The following ESRRG variants were observed in gnomAD, a reference collection of about 807,000 sequenced individuals.
ESRRG encodes the protein estrogen related receptor gamma, also known as estrogen-related receptor gamma.
A neutral mutation model predicts 44.0 loss-of-function variants in ESRRG; 13 were observed. The ratio of observed to expected loss-of-function variants is 0.30; its 90% CI spans 0.19 to 0.47. The LOEUF is 0.47. Among genes scored for constraint, ESRRG ranks in the 20% least tolerant of loss-of-function variants. The pLI is 1.00. For missense variants in ESRRG, 395 were observed against 580.6 expected (o/e 0.68, Z 3.29); for synonymous variants, 215 against 214.6 (o/e 1.00, Z -0.02).
At chr1:216,778,676 T>C (rs557633482) in intron 2 of ESRRG, among the ~76,000 whole-genome samples, 1 of 152,080 alleles carries the variant, frequency 6.6e-6, no homozygotes, top group East Asian at 2.0e-4. Context: ...GCCATACTTT[T>C]GGCTGAAATG....
At chr1:216,775,906 T>C (rs1479164051) in intron 2 of ESRRG, among the ~76,000 whole-genome samples, 1 of 151,908 alleles carries the variant, frequency 6.6e-6, no homozygotes, top group Non-Finnish European at 1.5e-5. Context: ...CACTCTTTTT[T>C]CTTTACCCAT....
chr1:216,753,392 A>T (rs1018949929), intron 2 of ESRRG, among the ~76,000 whole-genome samples: 2 of 152,066 alleles, frequency 1.3e-5, no homozygotes, highest in African/African-American at 4.8e-5. Flanking sequence ...CTTATCAAAG[A>T]AGGTTGGAAT....
rs79694535 is a variant in ESRRG, at chr1:216,579,101, A to G, written c.590-11003T>C. Among the ~76,000 whole-genome samples the G allele has an allele frequency of 4.6e-5, 7 of 152,262 alleles. No homozygotes were observed. In the East Asian group the frequency reaches 1.4e-3, roughly 29 times the overall value. ...TTTCCTGTTCAATTTATTTCCATCT[A>G]GCATCTTTTGATCTCTTGTATGTTT... On this transcript the variant is annotated intron_variant, in intron 3 of 6. Coordinates refer to ENST00000408911, the MANE Select transcript of ESRRG (RefSeq NM_001438.4).
At chr1:216,925,354 C>A (rs1281064490) in intron 2 of ESRRG, among the ~76,000 whole-genome samples, 1 of 152,072 alleles carries the variant, frequency 6.6e-6, no homozygotes, top group Middle Eastern at 3.4e-3. Context: ...GGAAAATTGC[C>A]TGAACCCGGG....
At chr1:216,992,259 A>G (rs1304280177) in intron 1 of ESRRG, among the ~76,000 whole-genome samples, 1 of 152,212 alleles carries the variant, frequency 6.6e-6, no homozygotes, top group African/African-American at 2.4e-5. Context: ...GCTTTTTGAA[A>G]GTCTTATTCA....
intron 1 of ESRRG, among the ~76,000 whole-genome samples, chr1:217,025,505 T>C (rs1309451861): frequency 1.3e-5 from 2 of 152,332 alleles, no homozygotes; most frequent in South Asian, 2.1e-4. Context: ...AATTTAACTC[T>C]TTTTCAAAGA....
chr1:216,602,637 A>G (rs139940927), intron 3 of ESRRG, among the ~76,000 whole-genome samples: 120 of 152,290 alleles, frequency 7.9e-4, no homozygotes, highest in African/African-American at 2.8e-3. Flanking sequence ...CAGCGGAGAG[A>G]AGATCTGCAA....
intron 2 of ESRRG, among the ~76,000 whole-genome samples, chr1:216,665,808 T>C (rs1259363867): frequency 1.3e-5 from 2 of 152,184 alleles, no homozygotes; most frequent in Non-Finnish European, 2.9e-5. Flanking sequence ...TTTGAGCTTA[T>C]GTGAAACTTT....
chr1:216,519,326 A>G lies in ESRRG; in HGVS notation c.958T>C (p.Phe320Leu). The G allele has an allele frequency of 6.2e-7, 1 of 1,613,880 alleles. No homozygotes were observed. Among genetic ancestry groups the G allele is most frequent in the Non-Finnish European group, 8.5e-7 (1 of 1,179,868 alleles). ...ILGVVYRSLS[F>L]EDELVYADDY... ...TCTGCATAGACAAGTTCATCCTCAA[A>G]CGAAAGAGACCGGTATACGACACCA... The change falls in exon 6 of 7, where the codon TTT becomes CTT. Residue 320 changes from phenylalanine (F) to leucine (L), a missense_variant. Physicochemically the swap from Phe to Leu is conservative, Grantham distance 22. Around this residue, in one of 5 missense-constraint regions of ESRRG, gnomAD observed 167 missense variants for 251.8 expected, o/e 0.66. Transcript: ENST00000408911.
rs1049298745 is a variant in ESRRG, at chr1:216,945,656, C to T, written c.-105-5983G>A. Among the ~76,000 whole-genome samples, 5 of 152,262 alleles carry T rather than the reference C, an allele frequency of 3.3e-5. 1 individual carries two copies. Among genetic ancestry groups the T allele is most frequent in the South Asian group, 4.1e-4 (2 of 4,824 alleles). ...ACTGTCTTCATTTAAATTACAAATA[C>T]GCTAATCTGAAACACTGTTTACCAA... On this transcript the variant is annotated intron_variant, in intron 1 of 7. Coordinates refer to the ESRRG transcript ENST00000359162.
At chr1:216,941,263 T>C (rs2065181005) in intron 1 of ESRRG, among the ~76,000 whole-genome samples, 1 of 152,166 alleles carries the variant, frequency 6.6e-6, no homozygotes, top group South Asian at 2.1e-4. Flanking sequence ...AGGTTGTTGC[T>C]TTTTTAAAAA....
chr1:216,815,243 C>T (rs1396347249), intron 2 of ESRRG, among the ~76,000 whole-genome samples: 1 of 152,174 alleles, frequency 6.6e-6, no homozygotes, highest in Non-Finnish European at 1.5e-5. Context: ...GACTATGTGC[C>T]AGGCACCATG....
intron 1 of ESRRG, among the ~76,000 whole-genome samples, chr1:217,118,519 T>C (rs1345827166): frequency 1.3e-5 from 2 of 152,134 alleles, no homozygotes; most frequent in East Asian, 3.9e-4. Flanking sequence ...AAACTGTGGG[T>C]TCATTCAAGT....
rs11387798 is a variant in ESRRG at position 217,036,841 on chromosome 1, GA to G, written c.-106+52665del. Among the ~76,000 whole-genome samples, 9 of 149,040 alleles carry G rather than the reference GA, an allele frequency of 6.0e-5. No individual in the cohort carries two copies. The East Asian group carries it at 1.6e-3, about 26-fold the overall frequency. ...GTAAAAAAAAAGAAAAGAAAGAAAA[GA>G]AAAAAAAAAGAGTATAGGCGATGGA... On this transcript the variant is annotated intron_variant, in intron 1 of 7. Coordinates refer to the ESRRG transcript ENST00000359162.
At chr1:216,770,527 C>T (rs182861459) in intron 2 of ESRRG, among the ~76,000 whole-genome samples, 127 of 151,930 alleles carry the variant, frequency 8.4e-4, no homozygotes, top group Middle Eastern at 6.8e-3. Context: ...AGTAGAAGAT[C>T]GATATCTTTC....
rs72741488 is a variant in ESRRG at position 217,060,091 on chromosome 1, C to T, written c.-106+29416G>A. ...CAAAAATTCTATCTCTTGTCCTGGC[C>T]GGCATACAATACGTATATAATATGC... On this transcript the variant is annotated intron_variant, in intron 1 of 7. Coordinates refer to the ESRRG transcript ENST00000359162. 2.0e-4 allele frequency among the ~76,000 whole-genome samples: 31 copies of T among 151,626 alleles called. No individual in the cohort carries two copies. The South Asian group carries it at 5.4e-3, about 26-fold the overall frequency.
intron 2 of ESRRG, among the ~76,000 whole-genome samples, chr1:216,822,664 G>T (rs1576941697): frequency 6.6e-6 from 1 of 152,142 alleles, no homozygotes; most frequent in African/African-American, 2.4e-5. Flanking sequence ...TGAGTCTCAG[G>T]TTCCTTCATT....
chr1:216,958,711 C>A (rs975466248), intron 1 of ESRRG, among the ~76,000 whole-genome samples: 6 of 152,124 alleles, frequency 3.9e-5, no homozygotes, highest in Non-Finnish European at 5.9e-5. Flanking sequence ...TTTACAGCAT[C>A]CACTAAAGCA....
At chr1:216,668,719 C>A (rs2074506381) in intron 2 of ESRRG, among the ~76,000 whole-genome samples, 1 of 152,116 alleles carries the variant, frequency 6.6e-6, no homozygotes, top group Non-Finnish European at 1.5e-5. Context: ...CACACACACA[C>A]ACTCACACAC....
Sources: allele counts gnomAD v4.1 joint callset (sites outside exome capture counted in the v4.1 genomes callset), GRCh38; gene constraint gnomAD v4.1.1; regional missense constraint gnomAD v4.1.1; transcripts MANE v1.5; gene names NCBI Gene and HGNC (gene_info 2026-07-23, HGNC 2026-07-21).